PPM1L: variants seen among roughly 807,000 people sequenced by gnomAD.
PPM1L encodes protein phosphatase, Mg2+/Mn2+ dependent 1L.
Under a neutral mutation model 31.4 loss-of-function variants are expected in PPM1L, and 13 were observed. That is an observed-to-expected ratio of 0.41 (90% CI 0.27 to 0.66). PPM1L has a LOEUF of 0.66. Among genes scored for constraint, PPM1L ranks in the 30% least tolerant of loss-of-function variants. The pLI is 0.29. For synonymous variants in PPM1L, 184 were observed against 175.4 expected, an observed-to-expected ratio of 1.05 and a Z score of -0.39; for missense variants, 326 against 453.7, an observed-to-expected ratio of 0.72 and a Z score of 2.56.
chr3:161,024,402 G>A (rs1457717837), intron 2 of PPM1L, among the ~76,000 whole-genome samples: 2 of 151,668 alleles, frequency 1.3e-5, no homozygotes, highest in African/African-American at 4.8e-5. Context: ...CTCTGAATCA[G>A]ATCAAATAAG....
intron 1 of PPM1L, among the ~76,000 whole-genome samples, chr3:160,758,608 T>G (rs909878732): frequency 2.0e-5 from 3 of 152,048 alleles, no homozygotes; most frequent in Non-Finnish European, 4.4e-5. Flanking sequence ...GTGATTTAAT[T>G]TTTTTTTCTT....
At chr3:161,066,834 T>C (rs928827624) in intron 3 of PPM1L, among the ~76,000 whole-genome samples, 1 of 152,240 alleles carries the variant, frequency 6.6e-6, no homozygotes, top group Admixed American at 6.5e-5. Flanking sequence ...CTAATCAACA[T>C]TTTAGTTTTC....
chr3:160,842,148 C>G (rs531940267), intron 1 of PPM1L: 17 of 648,516 alleles, frequency 2.6e-5, no homozygotes, highest in Non-Finnish European at 4.2e-5. Flanking sequence ...ATTTTGTGTG[C>G]GTGCATCCTG....
chr3:160,863,825 A>C (rs940817326), intron 1 of PPM1L, among the ~76,000 whole-genome samples: 32 of 152,302 alleles, frequency 2.1e-4, no homozygotes, highest in East Asian at 1.5e-3. Flanking sequence ...CAAGGGCTTA[A>C]TTATAGGGTA....
intron 1 of PPM1L, among the ~76,000 whole-genome samples, chr3:160,883,870 C>A (rs182750324): frequency 7.3e-6 from 1 of 137,374 alleles, no homozygotes; most frequent in East Asian, 2.1e-4. Context: ...CTTAGTGAGA[C>A]CTTGTCTCTA....
chr3:160,999,965 A>T (rs1021996431), intron 2 of PPM1L, among the ~76,000 whole-genome samples: 2 of 152,164 alleles, frequency 1.3e-5, no homozygotes, highest in Admixed American at 1.3e-4. Context: ...GTAAGTACTG[A>T]TTTACAGGTA....
At chr3:161,037,972 G>A (rs1021405644) in intron 2 of PPM1L, among the ~76,000 whole-genome samples, 15 of 151,796 alleles carry the variant, frequency 9.9e-5, no homozygotes, top group African/African-American at 3.6e-4. Flanking sequence ...GGTGGCTCAC[G>A]CCTGTAATCC....
intron 1 of PPM1L, among the ~76,000 whole-genome samples, chr3:160,820,739 C>T (rs945694633): frequency 5.3e-5 from 8 of 152,022 alleles, no homozygotes; most frequent in African/African-American, 1.9e-4. Flanking sequence ...TCACTGCTGT[C>T]CATTATGTGA....
intron 1 of PPM1L, among the ~76,000 whole-genome samples, chr3:160,776,352 T>C (rs1711558045): frequency 6.6e-6 from 1 of 152,146 alleles, no homozygotes; most frequent in African/African-American, 2.4e-5. Flanking sequence ...TGTTTACTCA[T>C]GCAATTATTA....
chr3:160,810,842 A>G (rs1712782756), intron 1 of PPM1L, among the ~76,000 whole-genome samples: 1 of 152,192 alleles, frequency 6.6e-6, no homozygotes, highest in African/African-American at 2.4e-5. Context: ...CCAGTTTGCA[A>G]CATCTGTTAG....
intron 1 of PPM1L, among the ~76,000 whole-genome samples, chr3:160,809,837 G>A (rs1712756244): frequency 6.6e-6 from 1 of 152,078 alleles, no homozygotes; most frequent in Non-Finnish European, 1.5e-5. Context: ...CTGGTGGAAT[G>A]AAAAAGGCAA....
At chr3:160,795,079 C>T (rs1712210779) in intron 1 of PPM1L, among the ~76,000 whole-genome samples, 1 of 151,968 alleles carries the variant, frequency 6.6e-6, no homozygotes, top group South Asian at 2.1e-4. Flanking sequence ...AATAAGATTT[C>T]CAGGAAGGAA....
chr3:160,995,038 G>T (rs903331165), intron 2 of PPM1L, among the ~76,000 whole-genome samples: 5 of 152,148 alleles, frequency 3.3e-5, no homozygotes, highest in African/African-American at 1.2e-4. Flanking sequence ...CATTTCAAAT[G>T]GTGTTTTAAA....
intron 1 of PPM1L, among the ~76,000 whole-genome samples, chr3:160,788,974 T>C (rs1044171550): frequency 2.6e-5 from 4 of 151,922 alleles, no homozygotes; most frequent in Non-Finnish European, 5.9e-5. Flanking sequence ...TATACTTTAT[T>C]TTTGTAAGTG....
At chr3:160,778,147 C>T (rs1401327535) in intron 1 of PPM1L, among the ~76,000 whole-genome samples, 1 of 151,896 alleles carries the variant, frequency 6.6e-6, no homozygotes, top group South Asian at 2.1e-4. Flanking sequence ...GCTTATTGGC[C>T]ATCATTTTAT....
At chr3:161,057,588 G>A (rs1719448757) in intron 2 of PPM1L, among the ~76,000 whole-genome samples, 1 of 152,034 alleles carries the variant, frequency 6.6e-6, no homozygotes, top group African/African-American at 2.4e-5. Context: ...CTTTCGCTTG[G>A]CTTGTACTGC....
intron 1 of PPM1L, among the ~76,000 whole-genome samples, chr3:160,840,416 A>G (rs1265352246): frequency 6.6e-6 from 1 of 152,170 alleles, no homozygotes; most frequent in African/African-American, 2.4e-5. Context: ...AACAGAACCA[A>G]TAGGATGTAG....
intron 1 of PPM1L, among the ~76,000 whole-genome samples, chr3:160,909,469 C>T (rs561569137): frequency 6.6e-6 from 1 of 152,304 alleles, no homozygotes; most frequent in South Asian, 2.1e-4. Flanking sequence ...GAGGTATTAG[C>T]ACTGGTCTAA....
chr3:161,022,302 C>G (rs903069293), intron 2 of PPM1L: 8 of 474,390 alleles, frequency 1.7e-5, no homozygotes, highest in Admixed American at 4.0e-5. Flanking sequence ...GTGCTGTTGT[C>G]AACCAAATTA....
Sources: allele counts gnomAD v4.1 joint callset (sites outside exome capture counted in the v4.1 genomes callset), GRCh38; gene constraint gnomAD v4.1.1; transcripts MANE v1.5; gene names NCBI Gene and HGNC (gene_info 2026-07-23, HGNC 2026-07-21).